CASQ2: variants seen among roughly 807,000 people sequenced by gnomAD.
The protein encoded by CASQ2 is calsequestrin 2.
Under a neutral mutation model 46.5 loss-of-function variants are expected in CASQ2, and 49 were observed. That is an observed-to-expected ratio of 1.05 (90% CI 0.84 to 1.34). CASQ2 has a LOEUF of 1.34. Among genes scored for constraint, CASQ2 ranks in the 40% most tolerant of loss-of-function variants. CASQ2 has a pLI of 0.00. For missense variants in CASQ2, 486 were observed against 481.3 expected, an observed-to-expected ratio of 1.01 and a Z score of -0.09; for synonymous variants, 174 against 168.5, an observed-to-expected ratio of 1.03 and a Z score of -0.25.
In CASQ2 at chr1:115,705,328, C is replaced by T. The variant is rs755198934; in HGVS notation, c.839-36G>A. ...ATTCAAGAGAGTTGAGTAACCCCTG[C>T]ACATACACAGCTTCTAATGTGGAGA... On this transcript the variant is annotated intron_variant, in intron 8 of 10. Transcript: ENST00000261448. 3.8e-6 allele frequency: 5 copies of T among 1,319,400 alleles called. No homozygotes were observed. In the East Asian group the frequency reaches 1.1e-4, roughly 30 times the overall value. 81.7% of individuals were successfully genotyped at this position (1,319,400 alleles called of 1,614,324 possible).
At chr1:115,749,734 G>A (rs10754351) in intron 1 of CASQ2, among the ~76,000 whole-genome samples, 41,639 of 152,120 alleles carry the variant, frequency 0.27, 6,104 homozygotes, top group East Asian at 0.43. Context: ...GGGGCAGGCA[G>A]GAGTCTGTCT....
intron 1 of CASQ2, among the ~76,000 whole-genome samples, chr1:115,750,724 T>C (rs1250056582): frequency 1.3e-5 from 2 of 152,206 alleles, no homozygotes; most frequent in Non-Finnish European, 2.9e-5. Context: ...CCAGGACTAG[T>C]CTTGAGCTCC....
At position 115,705,213 on chromosome 1, in the gene CASQ2, G is replaced by A. The variant is rs766081304; in HGVS notation, c.918C>T (p.Ile306=). ...TDNPDLSILW[I]DPDDFPLLVA... is the part of the protein sequence containing the mutation. ...TCACCAGAGGAAAGTCGTCCGGGTCGATCCACAGGATGCTCAGATCGGGGT... is the reference window on the plus strand; with the variant it reads ...TCACCAGAGGAAAGTCGTCCGGGTCAATCCACAGGATGCTCAGATCGGGGT... Residue 306 remains isoleucine, a synonymous_variant, in exon 9 of 11, where the codon ATC becomes ATT. Transcript: ENST00000261448. 6 of 1,613,118 alleles carry A rather than the reference G, an allele frequency of 3.7e-6. No individual in the cohort carries two copies. The highest frequency in any genetic ancestry group is 4.5e-5 in the East Asian group (2 of 44,880).
At chr1:115,728,089 A>C (rs549624179) in intron 5 of CASQ2, among the ~76,000 whole-genome samples, 1 of 152,270 alleles carries the variant, frequency 6.6e-6, no homozygotes, top group African/African-American at 2.4e-5. Context: ...GGTTCCCTTT[A>C]AGCTGAAGAG....
At chr1:115,739,288 TG>T (rs143291496) in intron 3 of CASQ2, among the ~76,000 whole-genome samples, 7 of 146,998 alleles carry the variant, frequency 4.8e-5, no homozygotes, top group Admixed American at 2.8e-4. Context: ...TTTTTATTTT[TG>T]TATTTTTAGT....
At chr1:115,751,671 TAAA>T (rs10542263) in intron 1 of CASQ2, among the ~76,000 whole-genome samples, 44 of 148,580 alleles carry the variant, frequency 3.0e-4, no homozygotes, top group South Asian at 1.3e-3. Context: ...GCCTCCATCT[TAAA>T]AAAAAAAAAA....
chr1:115,761,824 G>A (rs1648974839), intron 1 of CASQ2, among the ~76,000 whole-genome samples: 1 of 151,348 alleles, frequency 6.6e-6, no homozygotes. Context: ...TCCGCTACAG[G>A]GCTTAATAGA....
chr1:115,759,261 T>C (rs935507961), intron 1 of CASQ2, among the ~76,000 whole-genome samples: 1 of 152,232 alleles, frequency 6.6e-6, no homozygotes, highest in Non-Finnish European at 1.5e-5. Context: ...CAGTAGGGTC[T>C]AGTCAGAGGT....
In CASQ2 at chr1:115,701,322, T is replaced by C; in HGVS notation, c.1119A>G (p.Glu373=). The C allele has an allele frequency of 1.2e-6, 2 of 1,608,240 alleles. No individual in the cohort carries two copies. Among genetic ancestry groups the C allele is most frequent in the Non-Finnish European group, 8.5e-7 (1 of 1,174,648 alleles). The change falls in exon 11 of 11, where the codon GAA becomes GAG. Residue 373 remains glutamate, a synonymous_variant. Transcript: ENST00000261448. ...EDVLSGKINT[E]DDDEDDDDDD... is the part of the protein sequence containing the mutation. ...CATCATCATCATCTTCATCATCATC[T>C]TCAGTGTTTATCTTTCCAGAAAGCA...
chr1:115,705,311 G>C lies in CASQ2; in HGVS notation c.839-19C>G. The C allele has an allele frequency of 6.5e-7, 1 of 1,532,090 alleles. No homozygotes were observed. The highest frequency in any genetic ancestry group is 1.4e-5 in the African/African-American group (1 of 73,598). The allele number at this position is 1,532,090 out of a possible 1,614,324, so 94.9% of individuals were successfully genotyped here. On this transcript the variant is annotated intron_variant, in intron 8 of 10. Coordinates refer to ENST00000261448, the MANE Select transcript of CASQ2 (RefSeq NM_001232.4). ...TAGCCATCTGAAACAGGATTCAAGA[G>C]AGTTGAGTAACCCCTGCACATACAC...
intron 7 of CASQ2, among the ~76,000 whole-genome samples, chr1:115,719,787 C>G (rs998414779): frequency 6.6e-6 from 1 of 152,084 alleles, no homozygotes; most frequent in Non-Finnish European, 1.5e-5. Flanking sequence ...GGGCTGAGAA[C>G]CCCCGGGGCT....
At chr1:115,725,794 A>T (rs539532946) in intron 6 of CASQ2, among the ~76,000 whole-genome samples, 11 of 152,148 alleles carry the variant, frequency 7.2e-5, no homozygotes, top group Non-Finnish European at 1.5e-4. Flanking sequence ...TCCAAGAATT[A>T]TAAAGTCTTT....
intron 9 of CASQ2, 60 bp downstream of exon 9, chr1:115,705,132 G>A: frequency 1.9e-6 from 2 of 1,067,600 alleles, no homozygotes; most frequent in Non-Finnish European, 2.9e-6. Flanking sequence ...CTCAGATGCT[G>A]AACGCAATCA....
chr1:115,746,678 T>G (rs1648401195), intron 1 of CASQ2, among the ~76,000 whole-genome samples: 2 of 152,252 alleles, frequency 1.3e-5, no homozygotes, highest in Admixed American at 6.5e-5. Context: ...TCAACTGGAT[T>G]GCTTTTTGGC....
intron 5 of CASQ2, 23 bp from the exon 6 acceptor site, chr1:115,727,145 A>T: frequency 6.3e-7 from 1 of 1,578,370 alleles, no homozygotes; most frequent in Non-Finnish European, 8.7e-7. Context: ...GAAATAAGAC[A>T]AAGTTTATTT....
At chr1:115,726,947 T>TGCCCCCACCCCCCCCCCC in intron 6 of CASQ2, 45 bp downstream of exon 6, 1 of 1,036,550 alleles carries the variant, frequency 9.6e-7, no homozygotes, top group Non-Finnish European at 1.5e-6. Flanking sequence ...TCCTCTCCAT[T>TGCCCCCACCCCCCCCCCC]CCCCAGACCC....
chr1:115,726,979 C>A lies in CASQ2; in HGVS notation c.737+13G>T. 1 of 1,562,592 alleles carries A rather than the reference C, an allele frequency of 6.4e-7. No individual in the cohort carries two copies. Among genetic ancestry groups the A allele is most frequent in the African/African-American group, 1.4e-5 (1 of 73,776 alleles). ...ACCCCAGGCCCCCAGCCCCCACATG[C>A]CATCTCAGGCACCTTTGGTGTTCCT... On this transcript the variant is annotated intron_variant, in intron 6 of 10. Transcript: ENST00000261448.
At chr1:115,731,619 A>G (rs1017641188) in intron 5 of CASQ2, among the ~76,000 whole-genome samples, 1 of 152,238 alleles carries the variant, frequency 6.6e-6, no homozygotes, top group African/African-American at 2.4e-5. Flanking sequence ...CAGTTTGCAT[A>G]TATTGCTTCT....
chr1:115,766,136 G>A (rs949520520), intron 1 of CASQ2, among the ~76,000 whole-genome samples: 1 of 152,194 alleles, frequency 6.6e-6, no homozygotes, highest in Non-Finnish European at 1.5e-5. Flanking sequence ...TCTCGGCCAT[G>A]CTGGTGTACA....
Sources: allele counts gnomAD v4.1 joint callset (sites outside exome capture counted in the v4.1 genomes callset), GRCh38; gene constraint gnomAD v4.1.1; transcripts MANE v1.5; gene names NCBI Gene and HGNC (gene_info 2026-07-23, HGNC 2026-07-21).